Variants in IST1 observed in about 807,000 individuals in gnomAD.
IST1 encodes the protein IST1 homolog.
A neutral mutation model predicts 37.0 loss-of-function variants in IST1; 23 were observed. The observed-to-expected ratio is 0.62, with a 90% CI of 0.45 to 0.88. IST1 has a LOEUF of 0.88. IST1 is among the 40% of genes least tolerant of loss of function. IST1 has a pLI of 0.00. For missense variants in IST1, 488 were observed against 445.4 expected (o/e 1.10, Z -0.86); for synonymous variants, 180 against 161.7 (o/e 1.11, Z -0.86).
upstream of IST1, chr16:71,894,889 C>T (rs1216531534): frequency 1.4e-6 from 2 of 1,433,390 alleles, no homozygotes; most frequent in African/African-American, 2.8e-5. Flanking sequence ...CTCTGAATAC[C>T]GAGATAAATT....
At chr16:71,895,709 T>C (rs1289057732) in intron 1 of IST1, 120 bp downstream of exon 1, 6 of 254,732 alleles carry the variant, frequency 2.4e-5, no homozygotes, top group Non-Finnish European at 3.1e-5. Context: ...AGGGGGCAGC[T>C]GAGGAGAAAG....
At position 71,927,971 on chromosome 16, in the gene IST1, T is replaced by C; in HGVS notation, c.*158T>C. The C allele has an allele frequency of 1.6e-6, 1 of 616,040 alleles. No individual in the cohort carries two copies. Among genetic ancestry groups the C allele is most frequent in the Non-Finnish European group, 2.9e-6 (1 of 347,568 alleles). 38.2% of individuals were successfully genotyped at this position (616,040 alleles called of 1,614,324 possible). ...TTCCTGCTCCTCCAGATTCTGCTGC[T>C]TTCCAGTTCTCTGTTGATCCTGAGA... is the stretch of plus-strand genomic sequence containing the variant. On this transcript the variant is annotated 3_prime_UTR_variant, in exon 10 of 10. Transcript: ENST00000378799.
chr16:71,894,887 A>G (rs1278755392), upstream of IST1: 1 of 1,444,566 alleles, frequency 6.9e-7, no homozygotes, highest in African/African-American at 1.4e-5. Context: ...TTCTCTGAAT[A>G]CCGAGATAAA....
At chr16:71,904,917 AT>A (rs1427997119) in intron 1 of IST1, among the ~76,000 whole-genome samples, 1 of 151,726 alleles carries the variant, frequency 6.6e-6, no homozygotes, top group East Asian at 1.9e-4. Flanking sequence ...TTAGGTCTAC[AT>A]TTTATTATTT....
intron 1 of IST1, among the ~76,000 whole-genome samples, chr16:71,901,449 G>A (rs1451479546): frequency 3.3e-5 from 5 of 152,230 alleles, no homozygotes; most frequent in Admixed American, 3.3e-4. Flanking sequence ...TCCTGACCTC[G>A]TGATCCACCC....
chr16:71,921,967 C>G (rs2037599638), intron 6 of IST1, among the ~76,000 whole-genome samples: 1 of 152,188 alleles, frequency 6.6e-6, no homozygotes. Context: ...GAAACCCTGT[C>G]TCTACTAAAA....
chr16:71,929,861 A>T lies in IST1; in HGVS notation c.*2048A>T. 2 of 959,540 alleles carry T rather than the reference A, an allele frequency of 2.1e-6. No homozygotes were observed. The highest frequency in any genetic ancestry group is 3.0e-6 in the Non-Finnish European group (2 of 662,564). The allele number at this position is 959,540 out of a possible 1,614,324, so 59.4% of individuals were successfully genotyped here. A position where few individuals can be genotyped will look rare whatever the true frequency, so the allele number is the denominator to read the frequency against. ...TTGCGAGCCAACTATTTATAGGACAATGGCTATAGAATATTATGTAGTCTT... is the reference window on the plus strand; with the variant it reads ...TTGCGAGCCAACTATTTATAGGACATTGGCTATAGAATATTATGTAGTCTT... On this transcript the variant is annotated 3_prime_UTR_variant, in exon 10 of 10. Coordinates refer to ENST00000378799, the MANE Select transcript of IST1 (RefSeq NM_001270975.2).
rs1567480235 is a variant in IST1 at position 71,929,746 on chromosome 16, A to C, written c.*1933A>C. The stretch of plus-strand genomic sequence containing the variant: ...TTACTGCTAATAGTGGAGTAAAAAA[A>C]GTACCAAAGATTTTTAAAAAATTAG... On this transcript the variant is annotated 3_prime_UTR_variant, in exon 10 of 10. Transcript: ENST00000378799. 7.3e-7 allele frequency: 1 copy of C among 1,373,048 alleles called. No individual in the cohort carries two copies. The highest frequency in any genetic ancestry group is 1.9e-4 in the Middle Eastern group (1 of 5,386). The allele number at this position is 1,373,048 out of a possible 1,614,324, so 85.1% of individuals were successfully genotyped here.
In IST1 at chr16:71,908,711, T is replaced by C. The variant is rs116264405; in HGVS notation, c.-15-6915T>C. 5.8e-3 allele frequency among the ~76,000 whole-genome samples: 884 copies of C among 152,316 alleles called. 6 individuals are homozygous for C. Among genetic ancestry groups the C allele is most frequent in the African/African-American group, 0.02 (820 of 41,576 alleles). On this transcript the variant is annotated intron_variant, in intron 1 of 9. Coordinates refer to ENST00000378799, the MANE Select transcript of IST1 (RefSeq NM_001270975.2). ...CTTTCTGTCTATACCAGCGGTCCCC[T>C]TTCTAGTTCCTCAAGCCAGGACTAG...
chr16:71,931,052 T>C lies in IST1; in HGVS notation c.*3239T>C, dbSNP rs2037938841. Reference sequence around the variant, plus strand: ...ACAAGACTTATTTCCAATAAGTTTATTTTTATGTACAATTTTACTGTTTAT... The same window carrying C: ...ACAAGACTTATTTCCAATAAGTTTACTTTTATGTACAATTTTACTGTTTAT... On this transcript the variant is annotated 3_prime_UTR_variant, in exon 10 of 10. Coordinates refer to ENST00000378799, the MANE Select transcript of IST1 (RefSeq NM_001270975.2). 1 of 151,798 alleles carries C rather than the reference T, an allele frequency of 6.6e-6. No homozygotes were observed. The highest frequency in any genetic ancestry group is 6.6e-5 in the Admixed American group (1 of 15,224). 9.4% of individuals were successfully genotyped at this position (151,798 alleles called of 1,614,324 possible). A position where few individuals can be genotyped will look rare whatever the true frequency, so the allele number is the denominator to read the frequency against.
At chr16:71,909,894 A>C (rs549529827) in intron 1 of IST1, among the ~76,000 whole-genome samples, 2 of 152,244 alleles carry the variant, frequency 1.3e-5, no homozygotes, top group East Asian at 3.9e-4. Flanking sequence ...TATTTTTTGT[A>C]CCTTTTTAAA....
At chr16:71,926,616 G>A (rs1166483228) in intron 9 of IST1, among the ~76,000 whole-genome samples, 1 of 152,040 alleles carries the variant, frequency 6.6e-6, no homozygotes, top group African/African-American at 2.4e-5. Context: ...AAAGTGCTGG[G>A]ATTACAGGCG....
intron 1 of IST1, among the ~76,000 whole-genome samples, chr16:71,899,996 C>A (rs1476149994): frequency 1.8e-4 from 21 of 117,918 alleles, no homozygotes; most frequent in African/African-American, 3.4e-4. Flanking sequence ...GACTCTGTCT[C>A]AAAAAAAAAA....
At position 71,930,153 on chromosome 16, in the gene IST1, A is replaced by T; in HGVS notation, c.*2340A>T. On this transcript the variant is annotated 3_prime_UTR_variant, in exon 10 of 10. Coordinates refer to ENST00000378799, the MANE Select transcript of IST1 (RefSeq NM_001270975.2). Reference sequence around the variant, plus strand: ...AAGATGACACTGGTGAGGATCAGAAAGGTGCCCAGGACTGGGTCTAAAGCG... The same window carrying T: ...AAGATGACACTGGTGAGGATCAGAATGGTGCCCAGGACTGGGTCTAAAGCG... The T allele has an allele frequency of 6.4e-7, 1 of 1,551,370 alleles. No homozygotes were observed. The highest frequency in any genetic ancestry group is 2.0e-5 in the Admixed American group (1 of 50,896).
chr16:71,924,465 C>G, intron 8 of IST1: 1 of 502,980 alleles, frequency 2.0e-6, no homozygotes, highest in Non-Finnish European at 3.6e-6. Flanking sequence ...GTGCTGCATG[C>G]CTGTGGTCCC....
At chr16:71,925,253 G>T (rs958147132) in intron 9 of IST1, among the ~76,000 whole-genome samples, 31 of 150,342 alleles carry the variant, frequency 2.1e-4, no homozygotes, top group African/African-American at 6.9e-4. Context: ...GACCTTGTGA[G>T]ATCCGCCTGC....
intron 1 of IST1, among the ~76,000 whole-genome samples, chr16:71,902,277 G>T (rs1178814789): frequency 1.3e-5 from 2 of 148,258 alleles, no homozygotes; most frequent in South Asian, 2.1e-4. Context: ...AGATTTAATT[G>T]TTTTTTTTTT....
At chr16:71,914,586 T>C (rs1276652548) in intron 1 of IST1, among the ~76,000 whole-genome samples, 3 of 152,204 alleles carry the variant, frequency 2.0e-5, no homozygotes, top group Non-Finnish European at 4.4e-5. Context: ...CTTGATGACA[T>C]AAATGCCCCA....
At chr16:71,894,830 C>G, upstream of IST1, 1 of 1,533,836 alleles carries the variant, frequency 6.5e-7, no homozygotes, top group Non-Finnish European at 8.7e-7. Context: ...GCTTAAGCAG[C>G]GATAATGGTT....
Sources: allele counts gnomAD v4.1 joint callset (sites outside exome capture counted in the v4.1 genomes callset), GRCh38; gene constraint gnomAD v4.1.1; transcripts MANE v1.5; gene names NCBI Gene and HGNC (gene_info 2026-07-23, HGNC 2026-07-21).